The following SLC30A7 variants were observed in gnomAD, a reference collection of about 807,000 sequenced individuals.
The protein encoded by SLC30A7 is solute carrier family 30 member 7, also known as zinc transporter 7.
Under a neutral mutation model 46.0 loss-of-function variants are expected in SLC30A7, and 35 were observed. The ratio of observed to expected loss-of-function variants is 0.76; its 90% confidence interval spans 0.58 to 1.01. SLC30A7 has a LOEUF of 1.01. Among genes scored for constraint, SLC30A7 ranks in the 50% least tolerant of loss-of-function variants. The probability of loss-of-function intolerance (pLI) is 0.00; values close to 1 mark genes in which losing one functional copy is unlikely to be tolerated. For synonymous variants in SLC30A7, 147 were observed against 157.8 expected (o/e 0.93, Z 0.51); for missense variants, 464 against 451.1 (o/e 1.03, Z -0.26).
intron 6 of SLC30A7, 116 bp from the exon 7 acceptor site, chr1:100,917,961 A>G: frequency 1.6e-6 from 1 of 621,420 alleles, no homozygotes; most frequent in Non-Finnish European, 2.7e-6. Context: ...TGTAAGTTTG[A>G]TATGGCTATA....
chr1:100,993,474 C>A, the SLC30A7 span, among the ~76,000 whole-genome samples: 1 of 149,144 alleles, frequency 6.7e-6, no homozygotes, highest in African/African-American at 2.5e-5. Flanking sequence ...ATCAATTGAA[C>A]CCGGGAGACG....
At chr1:100,940,234 C>T (rs1363852925) in intron 8 of SLC30A7, among the ~76,000 whole-genome samples, 1 of 152,042 alleles carries the variant, frequency 6.6e-6, no homozygotes, top group African/African-American at 2.4e-5. Context: ...ATTTAGAGCT[C>T]TATGTTATAC....
intron 10 of SLC30A7, among the ~76,000 whole-genome samples, chr1:100,973,612 G>A (rs112784047): frequency 0.03 from 4,575 of 152,072 alleles, 229 homozygotes; most frequent in African/African-American, 0.1. Flanking sequence ...ATAATACATC[G>A]CAAGGTGATA....
intron 8 of SLC30A7, among the ~76,000 whole-genome samples, chr1:100,949,775 C>T (rs1654859516): frequency 6.6e-6 from 1 of 152,218 alleles, no homozygotes; most frequent in African/African-American, 2.4e-5. Flanking sequence ...CAGACTGCTG[C>T]ACTAGCAGTG....
chr1:100,923,284 G>T (rs1255393283), intron 8 of SLC30A7, among the ~76,000 whole-genome samples: 13 of 106,000 alleles, frequency 1.2e-4, no homozygotes, highest in East Asian at 2.4e-4. Flanking sequence ...CCAAAGTGCT[G>T]GGATTACAGG....
chr1:100,914,836 G>T (rs1652374341), intron 6 of SLC30A7, among the ~76,000 whole-genome samples: 1 of 151,820 alleles, frequency 6.6e-6, no homozygotes, highest in Non-Finnish European at 1.5e-5. Flanking sequence ...TTTCCATGAG[G>T]CAAGAAAATA....
Position 100,902,834 on chromosome 1 carries a change from A to G in SLC30A7, c.183-4018A>G, listed in dbSNP as rs570784159. Among the ~76,000 whole-genome samples the G allele has an allele frequency of 1.4e-3, 209 of 152,310 alleles. 1 individual carries two copies. Among genetic ancestry groups the G allele is most frequent in the Non-Finnish European group, 2.2e-3 (149 of 68,022 alleles). On this transcript the variant is annotated intron_variant, in intron 2 of 10. Coordinates refer to ENST00000357650, the MANE Select transcript of SLC30A7 (RefSeq NM_133496.5). ...AACTAATTATATCTGCAATGAGTCC[A>G]TTTCTAATAAAGTCACGTTCTCAGG...
At chr1:100,989,459 G>A in the SLC30A7 span, among the ~76,000 whole-genome samples, 2 of 152,190 alleles carry the variant, frequency 1.3e-5, no homozygotes, top group Admixed American at 1.3e-4. Context: ...TCAGAAGAAT[G>A]TCATTTTGTG....
intron 8 of SLC30A7, among the ~76,000 whole-genome samples, chr1:100,926,533 C>T (rs1454897861): frequency 6.6e-6 from 1 of 152,148 alleles, no homozygotes; most frequent in African/African-American, 2.4e-5. Context: ...ATGATCCAAA[C>T]ACCTCCCACC....
intron 8 of SLC30A7, among the ~76,000 whole-genome samples, chr1:100,933,854 G>GGCATGTCCTACCA (rs1471799938): frequency 5.9e-5 from 9 of 152,244 alleles, no homozygotes; most frequent in Non-Finnish European, 1.0e-4. Flanking sequence ...CTTTGCTGGA[G>GGCATGTCCTACCA]GCATGTCCTA....
At chr1:100,912,777 T>C (rs112054303) in intron 5 of SLC30A7, among the ~76,000 whole-genome samples, 404 of 148,548 alleles carry the variant, frequency 2.7e-3, no homozygotes, top group Non-Finnish European at 4.4e-3. Context: ...ACTCAGGAGG[T>C]TGAGATGGGA....
intron 8 of SLC30A7, among the ~76,000 whole-genome samples, chr1:100,943,233 G>A (rs2101059855): frequency 6.6e-6 from 1 of 152,188 alleles, no homozygotes; most frequent in African/African-American, 2.4e-5. Context: ...TATAAACTGG[G>A]GATCCCACAA....
At chr1:100,905,903 G>A (rs1358998970) in intron 2 of SLC30A7, among the ~76,000 whole-genome samples, 3 of 152,096 alleles carry the variant, frequency 2.0e-5, no homozygotes, top group Admixed American at 6.6e-5. Flanking sequence ...GACTGTTGTA[G>A]CTCTTAACAA....
rs530349082 is a variant in SLC30A7, at chr1:100,946,669, C to T, written c.843-15159C>T. On this transcript the variant is annotated intron_variant, in intron 8 of 10. Transcript: ENST00000357650. ...CATGGTGGATAAGCTTTTTGATGTGCTGCTGGATTTGGTTTGCCAGTATTT... is the reference window on the plus strand; with the variant it reads ...CATGGTGGATAAGCTTTTTGATGTGTTGCTGGATTTGGTTTGCCAGTATTT... Among the ~76,000 whole-genome samples the T allele has an allele frequency of 3.9e-4, 59 of 152,282 alleles. 2 individuals are homozygous for T. The South Asian group carries it at 0.012, about 32-fold the overall frequency.
chr1:100,971,116 TACTC>T (rs542141834), intron 10 of SLC30A7, among the ~76,000 whole-genome samples: 234 of 152,264 alleles, frequency 1.5e-3, no homozygotes, highest in African/African-American at 5.5e-3. Context: ...TTAACACTGA[TACTC>T]AGGAAGAAAC....
intron 3 of SLC30A7, among the ~76,000 whole-genome samples, chr1:100,908,699 T>G (rs1374833256): frequency 6.6e-6 from 1 of 152,128 alleles, no homozygotes; most frequent in Non-Finnish European, 1.5e-5. Flanking sequence ...TAAAAGATTC[T>G]TAAGTATATT....
chr1:100,963,047 G>A (rs1398135683), intron 9 of SLC30A7, among the ~76,000 whole-genome samples: 3 of 152,122 alleles, frequency 2.0e-5, no homozygotes, highest in African/African-American at 7.2e-5. Flanking sequence ...TTCTGGATAT[G>A]TTAAAATGGA....
intron 2 of SLC30A7, among the ~76,000 whole-genome samples, chr1:100,897,664 C>T (rs1261772820): frequency 6.6e-6 from 1 of 152,180 alleles, no homozygotes; most frequent in Admixed American, 6.5e-5. Context: ...CAGGTAATAT[C>T]ACCAGGTTTT....
chr1:100,918,137 G>C lies in SLC30A7; in HGVS notation c.706+10G>C, dbSNP rs201154633. 3.1e-6 allele frequency: 5 copies of C among 1,609,336 alleles called. 1 individual carries two copies. The East Asian group carries it at 1.1e-4, about 36-fold the overall frequency. The stretch of plus-strand genomic sequence containing the variant: ...AGACAGATTTTACAAGGTATGACAA[G>C]CAATTTTTATGTTTCTTAGTTTTTT... On this transcript the variant is annotated intron_variant, in intron 7 of 10. Transcript: ENST00000357650.
Sources: allele counts gnomAD v4.1 joint callset (sites outside exome capture counted in the v4.1 genomes callset), GRCh38; gene constraint gnomAD v4.1.1; transcripts MANE v1.5; gene names NCBI Gene and HGNC (gene_info 2026-07-23, HGNC 2026-07-21).